PCM1: variants seen among roughly 807,000 people sequenced by gnomAD.
PCM1 encodes pericentriolar material 1 protein.
In PCM1, 157 loss-of-function variants were observed where a neutral mutation model predicts 241.9. The observed-to-expected ratio is 0.65, with a 90% confidence interval of 0.57 to 0.74. The LOEUF is 0.74. PCM1 is among the 30% of genes least tolerant of loss of function. PCM1 has a pLI of 0.00. For missense variants in PCM1, 3,478 were observed against 2,360.1 expected, an observed-to-expected ratio of 1.47 and a Z score of -9.81; for synonymous variants, 1,085 against 784.9, an observed-to-expected ratio of 1.38 and a Z score of -6.39.
rs528047414 is a variant in PCM1, at chr8:17,957,841, T to C, written c.2040+66T>C. 26 of 1,074,488 alleles carry C rather than the reference T, an allele frequency of 2.4e-5. No individual in the cohort carries two copies. In the African/African-American group the frequency reaches 3.0e-4, roughly 12 times the overall value. 66.6% of individuals were successfully genotyped at this position (1,074,488 alleles called of 1,614,324 possible). A position where few individuals can be genotyped will look rare whatever the true frequency, so the allele number is the denominator to read the frequency against. On this transcript the variant is annotated intron_variant, in intron 13 of 38. Transcript: ENST00000325083. The stretch of plus-strand genomic sequence containing the variant: ...AGTACAGTCTTAAGTAAAATTTGTG[T>C]ATGATAATTACTTTGGTTTAATTAT...
intron 36 of PCM1, among the ~76,000 whole-genome samples, chr8:18,016,878 G>A (rs960647407): frequency 1.3e-5 from 2 of 152,220 alleles, no homozygotes; most frequent in South Asian, 4.1e-4. Context: ...GCTCCTGTAA[G>A]TACTTTTACT....
In PCM1 at chr8:17,939,719, A is replaced by T. The variant is rs1187216264; in HGVS notation, c.641A>T (p.Asp214Val). 1 of 1,545,030 alleles carries T rather than the reference A, an allele frequency of 6.5e-7. No individual in the cohort carries two copies. The highest frequency in any genetic ancestry group is 1.4e-5 in the African/African-American group (1 of 72,976). ...QIVSRLVQIR[D>V]YITKASSMRE... ...GTAAGCAGGCTTGTTCAAATTCGCGATTATATTACTAAAGCTAGTTCCATG... is the reference window on the plus strand; with the variant it reads ...GTAAGCAGGCTTGTTCAAATTCGCGTTTATATTACTAAAGCTAGTTCCATG... The change falls in exon 6 of 39, where the codon GAT becomes GTT. Residue 214 changes from aspartate to valine, a missense_variant. By Grantham distance (152) the Asp-to-Val change is radical (BLOSUM62 -3). Coordinates refer to ENST00000325083, the MANE Select transcript of PCM1 (RefSeq NM_006197.4).
chr8:17,994,565 G>A (rs2085906495), intron 29 of PCM1, among the ~76,000 whole-genome samples: 1 of 152,140 alleles, frequency 6.6e-6, no homozygotes, highest in Non-Finnish European at 1.5e-5. Flanking sequence ...TGGGATTGCT[G>A]GATCATATGG....
intron 28 of PCM1, 92 bp downstream of exon 28, chr8:17,991,792 T>C (rs2084733383): frequency 1.1e-6 from 1 of 919,254 alleles, no homozygotes; most frequent in African/African-American, 1.7e-5. Context: ...GAGATTTTGG[T>C]GCACCCATCG....
At chr8:17,926,155 T>C (rs2056866435) in intron 2 of PCM1, 1 of 152,148 alleles carries the variant, frequency 6.6e-6, no homozygotes, top group African/African-American at 2.4e-5. Context: ...ACAAAATTAG[T>C]TATAAGATTT....
intron 29 of PCM1, among the ~76,000 whole-genome samples, chr8:18,005,110 T>G (rs2090883754): frequency 6.6e-6 from 1 of 152,200 alleles, no homozygotes; most frequent in Non-Finnish European, 1.5e-5. Context: ...GAAATATTTG[T>G]TGTTGCCTCC....
In PCM1 at chr8:18,029,156, C is replaced by CAA. The variant is rs11333913; in HGVS notation, c.*1519_*1520dup. On this transcript the variant is annotated 3_prime_UTR_variant, in exon 39 of 39. Coordinates refer to ENST00000325083, the MANE Select transcript of PCM1 (RefSeq NM_006197.4). ...CTGGCAACAGAGCGAGACTCTGTCT[C>CAA]AAAAAAAAAAAAAAAAAAAAAAAAA... The CAA allele has an allele frequency of 0.084, 4,733 of 56,204 alleles. 906 individuals carry two copies. Among genetic ancestry groups the CAA allele is most frequent in the Non-Finnish European group, 0.11 (3,473 of 30,822 alleles). 3.5% of individuals were successfully genotyped at this position (56,204 alleles called of 1,614,324 possible). A position where few individuals can be genotyped will look rare whatever the true frequency, so the allele number is the denominator to read the frequency against.
In PCM1 at chr8:17,993,519, C is replaced by G. The variant is rs373911755; in HGVS notation, c.4727C>G (p.Pro1576Arg). 3.2e-6 allele frequency: 5 copies of G among 1,584,222 alleles called. No individual in the cohort carries two copies. In the African/African-American group the frequency reaches 4.0e-5, roughly 13 times the overall value. Reference protein sequence around the residue: ...PVIENRSSQQPVSEVSTIPCP... With the variant: ...PVIENRSSQQRVSEVSTIPCP... Reference sequence around the variant, plus strand: ...ATTGAAAATCGTAGTTCACAACAACCTGTAAGTGAAGTTTCTACCATCCCA... The same window carrying G: ...ATTGAAAATCGTAGTTCACAACAACGTGTAAGTGAAGTTTCTACCATCCCA... The change falls in exon 29 of 39, where the codon CCT becomes CGT. Residue 1576 changes from proline to arginine, a missense_variant. Physicochemically the swap from Pro to Arg is moderately radical, Grantham distance 103. Transcript: ENST00000325083.
At chr8:18,026,414 C>T (rs894565385) in intron 38 of PCM1, among the ~76,000 whole-genome samples, 14 of 150,512 alleles carry the variant, frequency 9.3e-5, no homozygotes, top group South Asian at 2.1e-4. Context: ...CCCGCCACCA[C>T]GCCTGGCTGA....
At chr8:17,940,407 A>G (rs2061670574) in intron 6 of PCM1, among the ~76,000 whole-genome samples, 1 of 152,182 alleles carries the variant, frequency 6.6e-6, no homozygotes. Flanking sequence ...TTATAGAAAC[A>G]TTGTTTTTGT....
intron 8 of PCM1, 63 bp downstream of exon 8, chr8:17,950,787 G>A: frequency 1.1e-6 from 1 of 914,872 alleles, no homozygotes; most frequent in East Asian, 2.6e-5. Flanking sequence ...CAGTGATTCA[G>A]AAACTTCAGT....
intron 24 of PCM1, among the ~76,000 whole-genome samples, chr8:17,984,820 G>T (rs74407089): frequency 0.011 from 1,600 of 152,054 alleles, 26 homozygotes; most frequent in African/African-American, 0.037. Context: ...GAAAACTTCA[G>T]TTGGATCACT....
intron 29 of PCM1, among the ~76,000 whole-genome samples, chr8:18,003,406 A>G (rs536360581): frequency 3.3e-5 from 5 of 152,290 alleles, no homozygotes; most frequent in African/African-American, 1.2e-4. Flanking sequence ...CCTACTTGAC[A>G]TTATTGAAAA....
chr8:18,017,969 G>T (rs1219180060), intron 36 of PCM1, among the ~76,000 whole-genome samples: 3 of 152,172 alleles, frequency 2.0e-5, no homozygotes, highest in Non-Finnish European at 1.5e-5. Context: ...ACATGGGGAG[G>T]AAACTAAGAT....
intron 38 of PCM1, among the ~76,000 whole-genome samples, chr8:18,026,078 G>A (rs1410030702): frequency 7.0e-6 from 1 of 143,624 alleles, no homozygotes; most frequent in Non-Finnish European, 1.5e-5. Flanking sequence ...GCAGGAGAAT[G>A]GCGTGAACCC....
intron 6 of PCM1, among the ~76,000 whole-genome samples, chr8:17,941,322 C>T (rs896652343): frequency 6.6e-6 from 1 of 152,098 alleles, no homozygotes; most frequent in African/African-American, 2.4e-5. Flanking sequence ...ATGGCAATTT[C>T]TTTCATAATA....
In PCM1 at chr8:17,985,507, C is replaced by T. The variant is rs1401349210; in HGVS notation, c.4169C>T (p.Ala1390Val). 2 of 1,575,250 alleles carry T rather than the reference C, an allele frequency of 1.3e-6. No homozygotes were observed. Among genetic ancestry groups the T allele is most frequent in the Admixed American group, 3.7e-5 (2 of 54,158 alleles). ...CGAGATACTATTTATTCTGAAGTAGCTACATTAATTTCTCAAAATGAATCT... is the reference window on the plus strand; with the variant it reads ...CGAGATACTATTTATTCTGAAGTAGTTACATTAATTTCTCAAAATGAATCT... The part of the protein sequence containing the change: ...ALRDTIYSEV[A>V]TLISQNESRP... The change falls in exon 25 of 39, where the codon GCT becomes GTT. Residue 1390 changes from alanine (A) to valine (V), a missense_variant. Physicochemically the swap from Ala to Val is moderately conservative, Grantham distance 64 (BLOSUM62 0). Transcript: ENST00000325083.
chr8:17,953,892 C>G (rs1332665316), intron 9 of PCM1, among the ~76,000 whole-genome samples: 1 of 152,150 alleles, frequency 6.6e-6, no homozygotes, highest in Admixed American at 6.5e-5. Flanking sequence ...TCCAACTAGT[C>G]TTTAAACATT....
intron 22 of PCM1, among the ~76,000 whole-genome samples, chr8:17,970,392 G>C (rs2076439496): frequency 6.7e-6 from 1 of 150,014 alleles, no homozygotes; most frequent in Non-Finnish European, 1.5e-5. Context: ...TCTTATATTA[G>C]CATTTTGACA....
Sources: allele counts gnomAD v4.1 joint callset (sites outside exome capture counted in the v4.1 genomes callset), GRCh38; gene constraint gnomAD v4.1.1; transcripts MANE v1.5; gene names NCBI Gene and HGNC (gene_info 2026-07-23, HGNC 2026-07-21).